Variants in ZBTB46 observed in about 807,000 individuals in gnomAD.
The protein encoded by ZBTB46 is zinc finger and BTB domain containing 46.
In ZBTB46, 8 loss-of-function variants were observed where a neutral mutation model predicts 44.1. The observed-to-expected ratio is 0.18, with a 90% confidence interval of 0.11 to 0.33. ZBTB46 has a LOEUF of 0.33. Ranked by LOEUF, ZBTB46 falls within the 10% of genes least tolerant of loss-of-function variation. The probability of loss-of-function intolerance (pLI) is 1.00; values close to 1 mark genes in which losing one functional copy is unlikely to be tolerated. For synonymous variants in ZBTB46, 409 were observed against 382.3 expected (o/e 1.07, Z -0.81); for missense variants, 651 against 847.7 (o/e 0.77, Z 2.88).
At chr20:63,747,865 G>A (rs1482589039) in intron 4 of ZBTB46, among the ~76,000 whole-genome samples, 1 of 152,190 alleles carries the variant, frequency 6.6e-6, no homozygotes, top group Non-Finnish European at 1.5e-5. Context: ...TCTCACGGGG[G>A]TCACACCACC....
chr20:63,745,905 T>G lies in ZBTB46; in HGVS notation c.*1025A>C, dbSNP rs150793843. The G allele has an allele frequency of 6.5e-4, 100 of 152,730 alleles. No individual in the cohort carries two copies. Among genetic ancestry groups the G allele is most frequent in the African/African-American group, 2.4e-3 (98 of 41,590 alleles). 9.5% of individuals were successfully genotyped at this position (152,730 alleles called of 1,614,324 possible). ...CTAAAGGAAAAACAACCCTATATAG[T>G]TTCTTCGAGTGAGAAAAATAATGCC... On this transcript the variant is annotated 3_prime_UTR_variant, in exon 5 of 5. Coordinates refer to ENST00000245663, the MANE Select transcript of ZBTB46 (RefSeq NM_001369741.1).
In ZBTB46 at chr20:63,752,989, G is replaced by T; in HGVS notation, c.1223-128C>A. ...TGTCTCCCACGGCCACCCACTGGGG[G>T]CTGGTCAGCACTGCGACAGGCCAGG... On this transcript the variant is annotated intron_variant, in intron 3 of 4. Transcript: ENST00000245663. This position sits in a 1 kb window ranked among gnomAD's most constrained non-coding sequence, Gnocchi z 5.6. 9.6e-7 allele frequency: 1 copy of T among 1,036,586 alleles called. No individual in the cohort carries two copies. The highest frequency in any genetic ancestry group is 1.6e-5 in the African/African-American group (1 of 61,572). The allele number at this position is 1,036,586 out of a possible 1,614,324, so 64.2% of individuals were successfully genotyped here. A position where few individuals can be genotyped will look rare whatever the true frequency, so the allele number is the denominator to read the frequency against.
intron 2 of ZBTB46, among the ~76,000 whole-genome samples, chr20:63,776,340 GGA>G (rs2092425755): frequency 6.6e-6 from 1 of 152,240 alleles, no homozygotes; most frequent in African/African-American, 2.4e-5. Context: ...GCAAAGACGA[GGA>G]GAGGCTCAAA....
chr20:63,775,135 T>C (rs534689114), intron 3 of ZBTB46: 1 of 152,666 alleles, frequency 6.6e-6, no homozygotes, highest in East Asian at 1.9e-4. Context: ...TCGTTTGGAT[T>C]CAGCTGGGGA....
At chr20:63,830,205 G>C (rs576713813) in intron 1 of ZBTB46, among the ~76,000 whole-genome samples, 1 of 152,352 alleles carries the variant, frequency 6.6e-6, no homozygotes, top group South Asian at 2.1e-4. Flanking sequence ...TACAAACAGT[G>C]AATCTGTCAG....
At position 63,814,662 on chromosome 20, in the gene ZBTB46, CTG is replaced by C. The variant is rs1035102412; in HGVS notation, c.-34+16433_-34+16434del. 2.2e-4 allele frequency among the ~76,000 whole-genome samples: 33 copies of C among 152,292 alleles called. 1 individual carries two copies. The highest frequency in any genetic ancestry group is 7.5e-4 in the African/African-American group (31 of 41,556). On this transcript the variant is annotated intron_variant, in intron 1 of 4. Coordinates refer to ENST00000245663, the MANE Select transcript of ZBTB46 (RefSeq NM_001369741.1). Reference sequence around the variant, plus strand: ...GCAAGCCTGGGCCTCAGGAGTCTGACTGTGGGTGACAAGCCACAGACACAGCC... The same window carrying C: ...GCAAGCCTGGGCCTCAGGAGTCTGACTGGGTGACAAGCCACAGACACAGCC...
rs113118130 is a variant in ZBTB46 at position 63,803,581 on chromosome 20, G to A, written c.-33-12791C>T. On this transcript the variant is annotated intron_variant, in intron 1 of 4. Coordinates refer to ENST00000245663, the MANE Select transcript of ZBTB46 (RefSeq NM_001369741.1). This position sits in a 1 kb window ranked among gnomAD's most constrained non-coding sequence, Gnocchi z 4.0. ...GCTGCCCAGGCCCCGGGCTGCCCAG[G>A]TCTCTGTCGGAGGCCCTGCCAGCCC... 1 of 965,984 alleles carries A rather than the reference G, an allele frequency of 1.0e-6. No homozygotes were observed. The highest frequency in any genetic ancestry group is 1.2e-6 in the Non-Finnish European group (1 of 812,508). 59.8% of individuals were successfully genotyped at this position (965,984 alleles called of 1,614,324 possible).
intron 1 of ZBTB46, among the ~76,000 whole-genome samples, chr20:63,800,638 G>C (rs1342283977): frequency 6.6e-6 from 1 of 152,224 alleles, no homozygotes; most frequent in Non-Finnish European, 1.5e-5. Flanking sequence ...GTGTGGGCTT[G>C]GCGGCCCCAC....
At chr20:63,760,473 T>G (rs1402957229) in intron 3 of ZBTB46, among the ~76,000 whole-genome samples, 2 of 150,870 alleles carry the variant, frequency 1.3e-5, no homozygotes, top group Admixed American at 1.3e-4. Context: ...GTGTTTTTGT[T>G]TTTTTTTTTT....
chr20:63,766,511 T>G (rs2092321679), intron 3 of ZBTB46, among the ~76,000 whole-genome samples: 1 of 147,904 alleles, frequency 6.8e-6, no homozygotes, highest in African/African-American at 2.5e-5. Context: ...CCACTGCACC[T>G]GGCCAAGAGA....
chr20:63,762,676 AC>A (rs1348458455), intron 3 of ZBTB46, among the ~76,000 whole-genome samples: 37 of 106,188 alleles, frequency 3.5e-4, no homozygotes, highest in African/African-American at 8.7e-4. Flanking sequence ...AAACAAACAA[AC>A]AAAAAAAAAA....
chr20:63,774,785 G>C (rs532763047), intron 3 of ZBTB46, among the ~76,000 whole-genome samples: 52 of 141,142 alleles, frequency 3.7e-4, no homozygotes, highest in African/African-American at 1.3e-3. Context: ...CTCACTGCAA[G>C]CTCTGCCTGC....
At chr20:63,800,794 G>A (rs2092638271) in intron 1 of ZBTB46, among the ~76,000 whole-genome samples, 1 of 152,238 alleles carries the variant, frequency 6.6e-6, no homozygotes, top group Non-Finnish European at 1.5e-5. Flanking sequence ...CTTGGGACCT[G>A]AAGCCCGCCA....
Position 63,779,780 on chromosome 20 carries a change from A to C in ZBTB46, c.938-3818T>G, listed in dbSNP as rs376553391. Among the ~76,000 whole-genome samples the C allele has an allele frequency of 6.6e-5, 10 of 151,820 alleles. No homozygotes were observed. In the South Asian group the frequency reaches 1.0e-3, roughly 16 times the overall value. ...TCACCACATTGGTCAGGCTGGTCTC[A>C]AACTCCCAACCTCAGGTGATCTGCC... On this transcript the variant is annotated intron_variant, in intron 2 of 4. Transcript: ENST00000245663.
chr20:63,752,819 TACG>T lies in ZBTB46; in HGVS notation c.1262_1264del (p.Pro421_Tyr422delinsHis). 1 of 1,612,296 alleles carries T rather than the reference TACG, an allele frequency of 6.2e-7. No homozygotes were observed. The highest frequency in any genetic ancestry group is 8.5e-7 in the Non-Finnish European group (1 of 1,178,954). On this transcript the variant is annotated inframe_deletion, in exon 4 of 5. Transcript: ENST00000245663. The surrounding 1 kb of genome is among the most constrained non-coding windows in gnomAD (Gnocchi z 5.6). ...CTGGTGCATGGCCGAGAAGCTGCAGTACGGACACTTGAACTTCTTCCTGATCAC... is the reference window on the plus strand; with the variant it reads ...CTGGTGCATGGCCGAGAAGCTGCAGTGACACTTGAACTTCTTCCTGATCAC...
At chr20:63,760,262 A>G (rs2092261481) in intron 3 of ZBTB46, among the ~76,000 whole-genome samples, 2 of 152,202 alleles carry the variant, frequency 1.3e-5, no homozygotes, top group African/African-American at 4.8e-5. Context: ...TCTCTGTGGG[A>G]AGGCTTTAAA....
chr20:63,770,782 G>C (rs891149531), intron 3 of ZBTB46, among the ~76,000 whole-genome samples: 1 of 152,216 alleles, frequency 6.6e-6, no homozygotes, highest in African/African-American at 2.4e-5. Flanking sequence ...GTACCGCAAA[G>C]GGGCAGTGGA....
At chr20:63,830,771 G>A (rs1362533743) in intron 1 of ZBTB46, among the ~76,000 whole-genome samples, 1 of 145,670 alleles carries the variant, frequency 6.9e-6, no homozygotes, top group East Asian at 2.1e-4. Context: ...GGGGCCGAGG[G>A]GCCGGGGCAG....
At position 63,744,147 on chromosome 20, in the gene ZBTB46, T is replaced by TA. The variant is rs2092064734; in HGVS notation, c.*2782dup. On this transcript the variant is annotated 3_prime_UTR_variant, in exon 5 of 5. Coordinates refer to ENST00000245663, the MANE Select transcript of ZBTB46 (RefSeq NM_001369741.1). Reference sequence around the variant, plus strand: ...CCACCACCATTAAGTATGGCTTTCTTAAGAGTCGCACATGTCACAGAATGA... The same window carrying TA: ...CCACCACCATTAAGTATGGCTTTCTTAAAGAGTCGCACATGTCACAGAATGA... 1 of 152,260 alleles carries TA rather than the reference T, an allele frequency of 6.6e-6. No individual in the cohort carries two copies. Among genetic ancestry groups the TA allele is most frequent in the African/African-American group, 2.4e-5 (1 of 41,468 alleles). 9.4% of individuals were successfully genotyped at this position (152,260 alleles called of 1,614,324 possible). A position where few individuals can be genotyped will look rare whatever the true frequency, so the allele number is the denominator to read the frequency against.
Sources: gnomAD v4.1 joint callset for allele counts (sites outside exome capture counted in the v4.1 genomes callset) on GRCh38, gnomAD v4.1.1 for gene constraint, Gnocchi (gnomAD v3.1) non-coding constraint, MANE v1.5 for transcripts, NCBI Gene and HGNC (gene_info 2026-07-23, HGNC 2026-07-21) for gene names.